Variants in GABRG3 observed in about 807,000 individuals in gnomAD.
GABRG3 encodes gamma-aminobutyric acid type A receptor subunit gamma3.
A neutral mutation model predicts 48.8 loss-of-function variants in GABRG3; 25 were observed. The observed-to-expected ratio is 0.51, with a 90% CI of 0.37 to 0.72. The LOEUF (loss-of-function observed/expected upper bound fraction) is 0.72, where lower values mean the gene tolerates loss of function less well. Among genes scored for constraint, GABRG3 ranks in the 30% least tolerant of loss-of-function variants. The pLI, the probability that GABRG3 is intolerant of heterozygous loss-of-function variation, is 0.00. For missense variants in GABRG3, 394 were observed against 577.9 expected (o/e 0.68, Z 3.26); for synonymous variants, 227 against 217.6 (o/e 1.04, Z -0.38).
intron 2 of GABRG3, among the ~76,000 whole-genome samples, chr15:26,985,732 G>GA (rs1238309813): frequency 5.3e-5 from 8 of 152,122 alleles, no homozygotes; most frequent in African/African-American, 1.9e-4. Flanking sequence ...GATTATGTTG[G>GA]AACGCCCTGT....
intron 9 of GABRG3, among the ~76,000 whole-genome samples, chr15:27,529,776 AAAG>A (rs1007282187): frequency 1.3e-5 from 2 of 151,980 alleles, no homozygotes; most frequent in Non-Finnish European, 2.9e-5. Flanking sequence ...CTGGGTGTTG[AAAG>A]AAGGAGAGAA....
At chr15:27,281,368 A>C (rs1687170787) in intron 3 of GABRG3, among the ~76,000 whole-genome samples, 1 of 151,922 alleles carries the variant, frequency 6.6e-6, no homozygotes, top group African/African-American at 2.4e-5. Flanking sequence ...GTTTTTCCAG[A>C]TTAAAAATAA....
intron 5 of GABRG3, among the ~76,000 whole-genome samples, chr15:27,400,824 C>A (rs930994815): frequency 6.6e-6 from 1 of 152,192 alleles, no homozygotes; most frequent in Non-Finnish European, 1.5e-5. Context: ...ATTTAACGTG[C>A]ATTAGTGTAG....
At chr15:27,126,046 G>A (rs1053206894) in intron 3 of GABRG3, among the ~76,000 whole-genome samples, 1 of 152,206 alleles carries the variant, frequency 6.6e-6, no homozygotes, top group Non-Finnish European at 1.5e-5. Context: ...AGATCACAGC[G>A]CAATTAAATG....
At chr15:27,110,048 A>G (rs1462695200) in intron 3 of GABRG3, among the ~76,000 whole-genome samples, 4 of 152,154 alleles carry the variant, frequency 2.6e-5, no homozygotes, top group Non-Finnish European at 5.9e-5. Flanking sequence ...ATATTTAGCT[A>G]TATATCAAAA....
At position 27,284,702 on chromosome 15, in the gene GABRG3, A is replaced by G. The variant is rs970437954; in HGVS notation, c.271-42107A>G. ...AGAGTTTCCATGGAGACAGAACATA[A>G]CTTATTACTGGCCTATAAACTAGAT... On this transcript the variant is annotated intron_variant, in intron 3 of 9. Coordinates refer to ENST00000615808, the MANE Select transcript of GABRG3 (RefSeq NM_033223.5). 8.5e-5 allele frequency among the ~76,000 whole-genome samples: 13 copies of G among 152,196 alleles called. No individual in the cohort carries two copies. In the South Asian group the frequency reaches 2.7e-3, roughly 31 times the overall value.
At chr15:27,436,976 A>ACAAAGT (rs71285056) in intron 5 of GABRG3, among the ~76,000 whole-genome samples, 6 of 148,030 alleles carry the variant, frequency 4.1e-5, no homozygotes, top group East Asian at 2.0e-4. Context: ...AGCCTGGGTG[A>ACAAAGT]GACTCCTTCT....
intron 5 of GABRG3, among the ~76,000 whole-genome samples, chr15:27,334,321 T>C (rs1893894150): frequency 6.6e-6 from 1 of 152,174 alleles, no homozygotes; most frequent in African/African-American, 2.4e-5. Flanking sequence ...TATACACTTC[T>C]GTAAGCTAAT....
intron 3 of GABRG3, among the ~76,000 whole-genome samples, chr15:27,212,191 A>G (rs1889100557): frequency 6.6e-6 from 1 of 152,232 alleles, no homozygotes; most frequent in African/African-American, 2.4e-5. Flanking sequence ...CTAAAGGGGA[A>G]GACAAGTGAT....
chr15:27,416,742 C>T (rs775500632), intron 5 of GABRG3, among the ~76,000 whole-genome samples: 23 of 152,240 alleles, frequency 1.5e-4, no homozygotes, highest in South Asian at 1.2e-3. Context: ...GTTTCTGCCC[C>T]GGTAAATTGC....
intron 3 of GABRG3, among the ~76,000 whole-genome samples, chr15:27,304,346 G>T (rs1892318670): frequency 6.6e-6 from 1 of 151,890 alleles, no homozygotes; most frequent in Non-Finnish European, 1.5e-5. Flanking sequence ...ACTAATAAAT[G>T]AAGTTAGTAA....
intron 3 of GABRG3, among the ~76,000 whole-genome samples, chr15:27,294,651 C>T (rs1891917091): frequency 6.6e-6 from 1 of 152,146 alleles, no homozygotes; most frequent in Non-Finnish European, 1.5e-5. Context: ...AGCAGATTCT[C>T]AGGCTGTAGC....
chr15:27,121,289 G>A (rs561677467), intron 3 of GABRG3, among the ~76,000 whole-genome samples: 4 of 152,248 alleles, frequency 2.6e-5, no homozygotes, highest in Non-Finnish European at 2.9e-5. Flanking sequence ...AGATGTTCAC[G>A]GTTGCTGTAA....
chr15:27,403,414 A>G (rs1887530312), intron 5 of GABRG3, among the ~76,000 whole-genome samples: 1 of 152,170 alleles, frequency 6.6e-6, no homozygotes, highest in Admixed American at 6.5e-5. Flanking sequence ...AAAATTCCAA[A>G]CCCCTATAAA....
chr15:27,181,176 A>G (rs574230788), intron 3 of GABRG3, among the ~76,000 whole-genome samples: 31 of 152,296 alleles, frequency 2.0e-4, no homozygotes, highest in African/African-American at 6.5e-4. Context: ...TACACGGGGA[A>G]GGACCAATGC....
At chr15:27,046,148 C>T (rs1222197631) in intron 3 of GABRG3, among the ~76,000 whole-genome samples, 1 of 152,032 alleles carries the variant, frequency 6.6e-6, no homozygotes, top group African/African-American at 2.4e-5. Flanking sequence ...GGCTGGAGTG[C>T]AATGGCACGA....
At chr15:27,383,702 G>T (rs1260867605) in intron 5 of GABRG3, among the ~76,000 whole-genome samples, 2 of 152,128 alleles carry the variant, frequency 1.3e-5, no homozygotes, top group East Asian at 3.8e-4. Flanking sequence ...CTTTTGCCTT[G>T]TAAAAGCTCA....
At chr15:27,213,625 T>G (rs1777694802) in intron 3 of GABRG3, among the ~76,000 whole-genome samples, 1 of 152,248 alleles carries the variant, frequency 6.6e-6, no homozygotes, top group Non-Finnish European at 1.5e-5. Flanking sequence ...TGTTCTGAGA[T>G]GCTGGGGCCT....
intron 5 of GABRG3, among the ~76,000 whole-genome samples, chr15:27,371,608 T>C (rs1301683760): frequency 6.6e-6 from 1 of 152,170 alleles, no homozygotes; most frequent in Non-Finnish European, 1.5e-5. Flanking sequence ...CTTTTACTAA[T>C]TGGCTGCCAC....
Sources: allele counts gnomAD v4.1 joint callset (sites outside exome capture counted in the v4.1 genomes callset), GRCh38; gene constraint gnomAD v4.1.1; transcripts MANE v1.5; gene names NCBI Gene and HGNC (gene_info 2026-07-23, HGNC 2026-07-21).